The following CPNE8 variants were observed in gnomAD, a reference collection of about 807,000 sequenced individuals.
CPNE8 encodes copine-8.
Under a neutral mutation model 81.5 loss-of-function variants are expected in CPNE8, and 45 were observed. That is an observed-to-expected ratio of 0.55 (90% CI 0.44 to 0.71). CPNE8 has a LOEUF of 0.71. CPNE8 is among the 30% of genes least tolerant of loss of function. The pLI is 0.00. For missense variants in CPNE8, 594 were observed against 672.1 expected (o/e 0.88, Z 1.28); for synonymous variants, 252 against 226.3 (o/e 1.11, Z -1.02).
At chr12:38,833,383 G>T (rs1021792305) in intron 5 of CPNE8, among the ~76,000 whole-genome samples, 9 of 139,086 alleles carry the variant, frequency 6.5e-5, no homozygotes, top group African/African-American at 2.1e-4. Flanking sequence ...GAAAAGAAAA[G>T]ATACCTTTGG....
At chr12:38,798,207 A>C (rs1942552975) in intron 6 of CPNE8, among the ~76,000 whole-genome samples, 2 of 152,140 alleles carry the variant, frequency 1.3e-5, no homozygotes, top group South Asian at 4.1e-4. Flanking sequence ...AACGCCACAA[A>C]GATACTCCTT....
At chr12:38,817,337 T>C (rs1456386132) in intron 6 of CPNE8, among the ~76,000 whole-genome samples, 1 of 152,210 alleles carries the variant, frequency 6.6e-6, no homozygotes, top group African/African-American at 2.4e-5. Context: ...CCAATTGCCT[T>C]CCTATATTTA....
At chr12:38,898,444 G>A (rs140789022) in intron 1 of CPNE8, among the ~76,000 whole-genome samples, 72 of 152,252 alleles carry the variant, frequency 4.7e-4, no homozygotes, top group African/African-American at 1.7e-3. Flanking sequence ...ACTACAGGGT[G>A]ACTACAATCT....
intron 11 of CPNE8, among the ~76,000 whole-genome samples, chr12:38,725,624 T>C (rs748498932): frequency 1.3e-5 from 2 of 152,230 alleles, no homozygotes; most frequent in African/African-American, 4.8e-5. Flanking sequence ...AAATCGTTTA[T>C]GAATAAGTAT....
At chr12:38,849,230 T>C (rs1364062035) in intron 3 of CPNE8, among the ~76,000 whole-genome samples, 1 of 152,198 alleles carries the variant, frequency 6.6e-6, no homozygotes, top group East Asian at 1.9e-4. Context: ...GGACCTATAC[T>C]TCTTGCATCT....
chr12:38,856,350 C>T (rs1943733803), intron 3 of CPNE8, among the ~76,000 whole-genome samples: 2 of 152,098 alleles, frequency 1.3e-5, no homozygotes, highest in Non-Finnish European at 2.9e-5. Context: ...CTTTCAGACT[C>T]ATTTTATGAA....
At chr12:38,749,506 G>A (rs1003578171) in intron 10 of CPNE8, among the ~76,000 whole-genome samples, 15 of 152,152 alleles carry the variant, frequency 9.9e-5, no homozygotes, top group African/African-American at 3.4e-4. Flanking sequence ...GGGAAAGTTT[G>A]GAACTTCATA....
intron 13 of CPNE8, among the ~76,000 whole-genome samples, chr12:38,704,828 A>ATATATATGTG (rs1555145199): frequency 0.023 from 1,063 of 45,420 alleles, 158 homozygotes; most frequent in Middle Eastern, 0.054. Context: ...ATGTATGTGT[A>ATATATATGTG]TATATATATA....
intron 6 of CPNE8, among the ~76,000 whole-genome samples, chr12:38,807,204 T>G (rs9705482): frequency 0.27 from 39,711 of 149,096 alleles, 7,335 homozygotes; most frequent in East Asian, 0.6. Flanking sequence ...TCAATGCCAT[T>G]CCCATCAAGC....
At chr12:38,799,811 G>C (rs933956451) in intron 6 of CPNE8, among the ~76,000 whole-genome samples, 12 of 143,984 alleles carry the variant, frequency 8.3e-5, no homozygotes, top group Non-Finnish European at 1.3e-4. Context: ...CACCGTGCGC[G>C]AGCCGAAGCA....
At chr12:38,745,110 C>A (rs1941198373) in intron 10 of CPNE8, among the ~76,000 whole-genome samples, 1 of 152,170 alleles carries the variant, frequency 6.6e-6, no homozygotes, top group South Asian at 2.1e-4. Flanking sequence ...TACAGGCCTT[C>A]CACCATATAA....
intron 19 of CPNE8, among the ~76,000 whole-genome samples, chr12:38,668,373 A>G (rs1234252479): frequency 1.3e-5 from 2 of 152,340 alleles, no homozygotes; most frequent in East Asian, 3.9e-4. Flanking sequence ...ATATCTATTG[A>G]TTGATTAGTT....
At chr12:38,864,095 A>G (rs1256319719) in intron 3 of CPNE8, among the ~76,000 whole-genome samples, 2 of 151,726 alleles carry the variant, frequency 1.3e-5, no homozygotes, top group Non-Finnish European at 2.9e-5. Context: ...GCCTCCTGTC[A>G]CCGCTTTTAT....
chr12:38,739,631 A>G (rs573295657), intron 10 of CPNE8, among the ~76,000 whole-genome samples: 3 of 152,074 alleles, frequency 2.0e-5, no homozygotes, highest in African/African-American at 2.4e-5. Flanking sequence ...CTTTCTAATA[A>G]TTTTTTTCAC....
chr12:38,898,656 T>G (rs1944419814), intron 1 of CPNE8, among the ~76,000 whole-genome samples: 1 of 152,216 alleles, frequency 6.6e-6, no homozygotes, highest in Non-Finnish European at 1.5e-5. Flanking sequence ...TTTGTCTGAC[T>G]AAAGAAAGGT....
In CPNE8 at chr12:38,834,996, C is replaced by T. The variant is rs187661074; in HGVS notation, c.330+4920G>A. 3.4e-3 allele frequency among the ~76,000 whole-genome samples: 510 copies of T among 152,184 alleles called. 3 individuals carry two copies. Among genetic ancestry groups the T allele is most frequent in the Non-Finnish European group, 5.9e-3 (398 of 68,004 alleles). Reference sequence around the variant, plus strand: ...GTTCATCCCTGGTTCAAGCGATTCTCCTGCCTCAGCCTCCTGAGTAGCTGG... The same window carrying T: ...GTTCATCCCTGGTTCAAGCGATTCTTCTGCCTCAGCCTCCTGAGTAGCTGG... On this transcript the variant is annotated intron_variant, in intron 5 of 19. Coordinates refer to ENST00000331366, the MANE Select transcript of CPNE8 (RefSeq NM_153634.3).
At chr12:38,855,592 G>T (rs1194335888) in intron 3 of CPNE8, among the ~76,000 whole-genome samples, 1 of 152,096 alleles carries the variant, frequency 6.6e-6, no homozygotes, top group Non-Finnish European at 1.5e-5. Flanking sequence ...GTGGAAAGGA[G>T]AGATGTTGAT....
At position 38,833,700 on chromosome 12, in the gene CPNE8, G is replaced by C. The variant is rs1017031705; in HGVS notation, c.331-4245C>G. Reference sequence around the variant, plus strand: ...TCACCGTGTTAGCCAGGATGGTCTCGATCTCCTGACCTCGTGATCTGCCCG... The same window carrying C: ...TCACCGTGTTAGCCAGGATGGTCTCCATCTCCTGACCTCGTGATCTGCCCG... On this transcript the variant is annotated intron_variant, in intron 5 of 19. Coordinates refer to ENST00000331366, the MANE Select transcript of CPNE8 (RefSeq NM_153634.3). Among the ~76,000 whole-genome samples, 4 of 151,860 alleles carry C rather than the reference G, an allele frequency of 2.6e-5. No individual in the cohort carries two copies. In the South Asian group the frequency reaches 8.3e-4, roughly 32 times the overall value.
chr12:38,849,405 CA>C, intron 3 of CPNE8, among the ~76,000 whole-genome samples: 1 of 150,456 alleles, frequency 6.6e-6, no homozygotes, highest in Non-Finnish European at 1.5e-5. Flanking sequence ...CCTTGGCTTA[CA>C]TTCTTCCCTT....
Sources: gnomAD v4.1 joint callset for allele counts (sites outside exome capture counted in the v4.1 genomes callset) on GRCh38, gnomAD v4.1.1 for gene constraint, MANE v1.5 for transcripts, NCBI Gene and HGNC (gene_info 2026-07-23, HGNC 2026-07-21) for gene names.